GABRB1: variants seen among roughly 807,000 people sequenced by gnomAD.
GABRB1 encodes the protein gamma-aminobutyric acid type A receptor subunit beta1.
A neutral mutation model predicts 51.6 loss-of-function variants in GABRB1; 17 were observed. The observed-to-expected ratio is 0.33, with a 90% CI of 0.23 to 0.49. The LOEUF is 0.49. GABRB1 is among the 20% of genes least tolerant of loss of function. GABRB1 has a pLI of 0.99. For synonymous variants in GABRB1, 247 were observed against 218.9 expected (o/e 1.13, Z -1.14); for missense variants, 410 against 600.6 (o/e 0.68, Z 3.32).
chr4:47,320,763 C>CTTTTTT (rs1264288318), intron 5 of GABRB1, among the ~76,000 whole-genome samples: 29 of 113,296 alleles, frequency 2.6e-4, no homozygotes, highest in East Asian at 7.6e-4. Flanking sequence ...GTTTTCTTTT[C>CTTTTTT]TTTTTTCTTT....
intron 4 of GABRB1, among the ~76,000 whole-genome samples, chr4:47,296,331 A>G (rs922500036): frequency 1.9e-4 from 29 of 152,326 alleles, no homozygotes; most frequent in African/African-American, 6.5e-4. Context: ...ATAAAGAGTC[A>G]AGACCCATCA....
intron 1 of GABRB1, among the ~76,000 whole-genome samples, chr4:47,020,989 G>A (rs1724915085): frequency 6.6e-6 from 1 of 152,162 alleles, no homozygotes; most frequent in African/African-American, 2.4e-5. Flanking sequence ...TCTGTTGGTA[G>A]TGCTCTTTGT....
chr4:47,409,860 AT>A (rs755370954), intron 8 of GABRB1, among the ~76,000 whole-genome samples: 1 of 152,248 alleles, frequency 6.6e-6, no homozygotes, highest in Non-Finnish European at 1.5e-5. Context: ...TATCAGAGAA[AT>A]TTTTTAAGAT....
chr4:47,072,539 T>C (rs1472731272), intron 3 of GABRB1, among the ~76,000 whole-genome samples: 1 of 152,170 alleles, frequency 6.6e-6, no homozygotes, highest in African/African-American at 2.4e-5. Context: ...GAATCTGCTA[T>C]TTTTTTCCTA....
intron 3 of GABRB1, among the ~76,000 whole-genome samples, chr4:47,110,627 T>G (rs1469284073): frequency 1.3e-5 from 2 of 152,176 alleles, no homozygotes; most frequent in Non-Finnish European, 2.9e-5. Flanking sequence ...ATGAGAAACA[T>G]TTTTATTCAT....
chr4:47,160,494 G>T lies in GABRB1; in HGVS notation c.241-755G>T, dbSNP rs1577962281. ...GCAGTGTTCATTCAAAAGAATTTGG[G>T]GTGTGAAAAACACCCTTTCCTTTTC... On this transcript the variant is annotated intron_variant, in intron 3 of 8. Coordinates refer to ENST00000295454, the MANE Select transcript of GABRB1 (RefSeq NM_000812.4). Among the ~76,000 whole-genome samples the T allele has an allele frequency of 1.3e-5, 2 of 152,012 alleles. 1 individual carries two copies. The highest frequency in any genetic ancestry group is 2.9e-5 in the Non-Finnish European group (2 of 67,982).
At chr4:47,312,147 G>A (rs759806345) in intron 4 of GABRB1, among the ~76,000 whole-genome samples, 10 of 151,644 alleles carry the variant, frequency 6.6e-5, no homozygotes, top group East Asian at 3.9e-4. Context: ...TGATTGCACC[G>A]CAAAAATTTT....
At chr4:47,345,484 A>T (rs2109991743) in intron 5 of GABRB1, among the ~76,000 whole-genome samples, 1 of 152,320 alleles carries the variant, frequency 6.6e-6, no homozygotes, top group Admixed American at 6.5e-5. Context: ...TAACTAGGCA[A>T]AGAGGAGTTG....
intron 3 of GABRB1, among the ~76,000 whole-genome samples, chr4:47,112,094 C>T (rs1056169010): frequency 8.6e-5 from 13 of 151,900 alleles, no homozygotes; most frequent in Non-Finnish European, 1.6e-4. Context: ...CTCAGCCTCC[C>T]GAGTAGCTGG....
At chr4:47,244,516 A>T (rs1380216187) in intron 4 of GABRB1, among the ~76,000 whole-genome samples, 1 of 152,046 alleles carries the variant, frequency 6.6e-6, no homozygotes, top group Non-Finnish European at 1.5e-5. Context: ...CTGGTCCTGG[A>T]CTTTTTTTGG....
intron 4 of GABRB1, among the ~76,000 whole-genome samples, chr4:47,235,196 G>A (rs932894922): frequency 6.6e-6 from 1 of 152,000 alleles, no homozygotes; most frequent in African/African-American, 2.4e-5. Flanking sequence ...ATCTTCATAA[G>A]GAAGAAATTT....
At chr4:47,351,202 T>C (rs2109998586) in intron 5 of GABRB1, among the ~76,000 whole-genome samples, 1 of 152,278 alleles carries the variant, frequency 6.6e-6, no homozygotes, top group South Asian at 2.1e-4. Context: ...TGGCACCATA[T>C]TGGAAAACTG....
intron 4 of GABRB1, among the ~76,000 whole-genome samples, chr4:47,205,462 A>G (rs927227453): frequency 2.0e-5 from 3 of 152,084 alleles, no homozygotes; most frequent in African/African-American, 7.2e-5. Flanking sequence ...ATGTCCTTCA[A>G]ATTAATTTTG....
intron 1 of GABRB1, among the ~76,000 whole-genome samples, chr4:47,001,657 G>C (rs1417777157): frequency 6.6e-6 from 1 of 152,148 alleles, no homozygotes; most frequent in Non-Finnish European, 1.5e-5. Flanking sequence ...TATTCCCTGG[G>C]TCTCCAGTCT....
At chr4:47,406,565 A>G in intron 7 of GABRB1, 117 bp from the exon 8 acceptor site, 3 of 1,239,812 alleles carry the variant, frequency 2.4e-6, no homozygotes, top group Non-Finnish European at 3.5e-6. Flanking sequence ...TTATCATGCT[A>G]CTGTGATCAC....
chr4:47,290,591 A>C (rs760167216), intron 4 of GABRB1, among the ~76,000 whole-genome samples: 1 of 152,176 alleles, frequency 6.6e-6, no homozygotes, highest in South Asian at 2.1e-4. Flanking sequence ...GGAATTTCCT[A>C]GAGACTTGTT....
At chr4:46,996,536 A>G (rs1251485648) in intron 1 of GABRB1, among the ~76,000 whole-genome samples, 3 of 152,208 alleles carry the variant, frequency 2.0e-5, no homozygotes, top group Admixed American at 2.0e-4. Context: ...TTTTCCTGTG[A>G]GACTTTATCT....
chr4:47,085,883 G>A (rs994546858), intron 3 of GABRB1, among the ~76,000 whole-genome samples: 2 of 152,176 alleles, frequency 1.3e-5, no homozygotes, highest in Admixed American at 6.5e-5. Context: ...TCCCAAGAGG[G>A]CAAGACCAGA....
At chr4:47,121,760 A>C in intron 3 of GABRB1, among the ~76,000 whole-genome samples, 1 of 152,330 alleles carries the variant, frequency 6.6e-6, no homozygotes, top group East Asian at 1.9e-4. Flanking sequence ...AAATTATTTT[A>C]TGCAAATTAA....
Sources: gnomAD v4.1 joint callset for allele counts (sites outside exome capture counted in the v4.1 genomes callset) on GRCh38, gnomAD v4.1.1 for gene constraint, MANE v1.5 for transcripts, NCBI Gene and HGNC (gene_info 2026-07-23, HGNC 2026-07-21) for gene names.